BCLAF1: variants seen among roughly 807,000 people sequenced by gnomAD.
BCLAF1 encodes the protein bcl-2-associated transcription factor 1.
BCLAF1 carries 10 observed loss-of-function variants against 99.5 expected under a neutral mutation model. The ratio of observed to expected loss-of-function variants is 0.10; its 90% CI spans 0.06 to 0.17. The LOEUF (loss-of-function observed/expected upper bound fraction) is 0.17, where lower values mean the gene tolerates loss of function less well. BCLAF1 is among the 10% of genes least tolerant of loss of function. The pLI is 1.00. For missense variants in BCLAF1, 636 were observed against 1,105.8 expected (o/e 0.58, Z 6.02); for synonymous variants, 255 against 370.9 (o/e 0.69, Z 3.59).
chr6:136,261,618 CAG>C, intron 11 of BCLAF1, 141 bp from the exon 12 acceptor site: 1 of 852,674 alleles, frequency 1.2e-6, no homozygotes, highest in Non-Finnish European at 1.8e-6. Context: ...AAAACAAAAC[CAG>C]TAAAACTGAA....
rs948817895 is a variant in BCLAF1, at chr6:136,282,533, T to C, written c.-11+51A>G. ...CTGAATCATCAATTCAGTAGTGACATTTCCTCAAAAAAGTCAAAAGTGAAA... is the reference window on the plus strand; with the variant it reads ...CTGAATCATCAATTCAGTAGTGACACTTCCTCAAAAAAGTCAAAAGTGAAA... On this transcript the variant is annotated intron_variant, in intron 2 of 12. Coordinates refer to ENST00000531224, the MANE Select transcript of BCLAF1 (RefSeq NM_014739.3). The C allele has an allele frequency of 7.2e-5, 11 of 152,302 alleles. No homozygotes were observed. In the East Asian group the frequency reaches 1.5e-3, roughly 21 times the overall value. 9.4% of individuals were successfully genotyped at this position (152,302 alleles called of 1,614,324 possible).
chr6:136,277,595 T>C (rs548475648), intron 4 of BCLAF1, among the ~76,000 whole-genome samples: 32 of 152,286 alleles, frequency 2.1e-4, no homozygotes, highest in African/African-American at 7.7e-4. Flanking sequence ...GGCGCAATCA[T>C]AGCTCACCAC....
intron 3 of BCLAF1, among the ~76,000 whole-genome samples, chr6:136,279,308 C>T (rs2128485488): frequency 6.6e-6 from 1 of 152,060 alleles, no homozygotes; most frequent in South Asian, 2.1e-4. Context: ...TTTCTGTTTT[C>T]TATGCTAAGT....
At chr6:136,289,471 A>G (rs1320315384) in intron 1 of BCLAF1, among the ~76,000 whole-genome samples, 1 of 152,220 alleles carries the variant, frequency 6.6e-6, no homozygotes, top group African/African-American at 2.4e-5. Flanking sequence ...GTCTCCAGGC[A>G]GGTTCGCAAA....
At chr6:136,287,577 G>T (rs185364339) in intron 1 of BCLAF1, among the ~76,000 whole-genome samples, 2 of 152,130 alleles carry the variant, frequency 1.3e-5, no homozygotes, top group African/African-American at 2.4e-5. Flanking sequence ...AAATTACACA[G>T]CTGAATTCAG....
chr6:136,275,426 T>C, intron 6 of BCLAF1, 106 bp downstream of exon 6: 3 of 1,086,074 alleles, frequency 2.8e-6, no homozygotes, highest in South Asian at 2.5e-5. Flanking sequence ...ATATTGGATG[T>C]ATATTTGCTA....
chr6:136,287,577 G>A (rs185364339), intron 1 of BCLAF1, among the ~76,000 whole-genome samples: 15 of 152,248 alleles, frequency 9.9e-5, no homozygotes, highest in Non-Finnish European at 1.6e-4. Flanking sequence ...AAATTACACA[G>A]CTGAATTCAG....
chr6:136,283,355 T>C (rs1297642968), intron 1 of BCLAF1, among the ~76,000 whole-genome samples: 2 of 152,172 alleles, frequency 1.3e-5, no homozygotes, highest in African/African-American at 2.4e-5. Context: ...ACAGCCATCA[T>C]AGTAACTTTA....
intron 1 of BCLAF1, among the ~76,000 whole-genome samples, chr6:136,283,620 TCAG>T (rs1784673836): frequency 6.6e-6 from 1 of 152,152 alleles, no homozygotes; most frequent in Non-Finnish European, 1.5e-5. Context: ...TTAATATACA[TCAG>T]CACTCAAAGA....
At chr6:136,267,932 G>A (rs1027616671) in intron 10 of BCLAF1, among the ~76,000 whole-genome samples, 1 of 152,034 alleles carries the variant, frequency 6.6e-6, no homozygotes. Flanking sequence ...TACAGTTATT[G>A]ATCTCGAAGT....
chr6:136,281,582 A>G (rs551785733), intron 2 of BCLAF1, among the ~76,000 whole-genome samples: 1 of 152,352 alleles, frequency 6.6e-6, no homozygotes, highest in Non-Finnish European at 1.5e-5. Context: ...AATCAGACAC[A>G]CTATAAAAAG....
chr6:136,271,337 GA>G (rs542679621), intron 8 of BCLAF1, among the ~76,000 whole-genome samples: 17 of 151,730 alleles, frequency 1.1e-4, no homozygotes, highest in Non-Finnish European at 2.5e-4. Flanking sequence ...TTTATGGCCT[GA>G]TATAGATTAG....
At chr6:136,276,838 C>A (rs1346475177) in intron 4 of BCLAF1, among the ~76,000 whole-genome samples, 2 of 152,136 alleles carry the variant, frequency 1.3e-5, no homozygotes, top group Non-Finnish European at 1.5e-5. Context: ...AAACTAAGAA[C>A]CACTAATAGA....
chr6:136,268,405 A>T (rs1280260961), intron 9 of BCLAF1, 66 bp from the exon 10 acceptor site: 1 of 1,364,400 alleles, frequency 7.3e-7, no homozygotes, highest in South Asian at 1.3e-5. Context: ...TGAATCTTAC[A>T]ACAGAAGAGA....
rs1780499926 is a variant in BCLAF1 at position 136,256,682 on chromosome 6, A to AATAAATAAATAAATAC, written c.*4427_*4428insGTATTTATTTATTTAT. 6.5e-6 allele frequency: 1 copy of AATAAATAAATAAATAC among 153,044 alleles called. No individual in the cohort carries two copies. The highest frequency in any genetic ancestry group is 1.3e-5 in the Non-Finnish European group (1 of 76,790). 9.5% of individuals were successfully genotyped at this position (153,044 alleles called of 1,614,324 possible). On this transcript the variant is annotated 3_prime_UTR_variant, in exon 13 of 13. Coordinates refer to ENST00000531224, the MANE Select transcript of BCLAF1 (RefSeq NM_014739.3). ...AAGACTCCATCTCAATAAATAAATA[A>AATAAATAAATAAATAC]ATAAATAAATAAATAAATAAATAAA...
chr6:136,267,994 T>A (rs1781957531), intron 10 of BCLAF1, among the ~76,000 whole-genome samples, 168 bp downstream of exon 10: 1 of 151,938 alleles, frequency 6.6e-6, no homozygotes, highest in Non-Finnish European at 1.5e-5. Flanking sequence ...AAATGGCATT[T>A]CTAAATGAAG....
Position 136,275,626 on chromosome 6 carries a change from T to C in BCLAF1, c.1758A>G (p.Arg586=), listed in dbSNP as rs745440646. ...GCAACTTAATGTGGTCAAAGATGGATCGGAATTCTTGCTCCTTCTTGACAG... is the reference window on the plus strand; with the variant it reads ...GCAACTTAATGTGGTCAAAGATGGACCGGAATTCTTGCTCCTTCTTGACAG... ...VHSVKKEQEF[R]SIFDHIKLPQ... Residue 586 remains arginine (R), a synonymous_variant, in exon 6 of 13, where the codon CGA becomes CGG. Coordinates refer to ENST00000531224, the MANE Select transcript of BCLAF1 (RefSeq NM_014739.3). 18 of 1,597,802 alleles carry C rather than the reference T, an allele frequency of 1.1e-5. No homozygotes were observed. Among genetic ancestry groups the C allele is most frequent in the Non-Finnish European group, 1.4e-5 (17 of 1,173,692 alleles).
At chr6:136,272,305 C>T (rs1782650450) in intron 7 of BCLAF1, among the ~76,000 whole-genome samples, 1 of 151,772 alleles carries the variant, frequency 6.6e-6, no homozygotes, top group South Asian at 2.1e-4. Context: ...TGAAGTCTGG[C>T]CTTTAAAACA....
Position 136,260,909 on chromosome 6 carries a change from T to G in BCLAF1, c.*201A>C. ...GTTACAAATATGGTACGTAACAATT[T>G]TCTACTTTATTTCAGTACAATTTTC... On this transcript the variant is annotated 3_prime_UTR_variant, in exon 13 of 13. Coordinates refer to ENST00000531224, the MANE Select transcript of BCLAF1 (RefSeq NM_014739.3). 1 of 546,160 alleles carries G rather than the reference T, an allele frequency of 1.8e-6. No individual in the cohort carries two copies. Among genetic ancestry groups the G allele is most frequent in the South Asian group, 3.7e-5 (1 of 27,108 alleles). 33.8% of individuals were successfully genotyped at this position (546,160 alleles called of 1,614,324 possible). A position where few individuals can be genotyped will look rare whatever the true frequency, so the allele number is the denominator to read the frequency against.
Sources: allele counts gnomAD v4.1 joint callset (sites outside exome capture counted in the v4.1 genomes callset), GRCh38; gene constraint gnomAD v4.1.1; transcripts MANE v1.5; gene names NCBI Gene and HGNC (gene_info 2026-07-23, HGNC 2026-07-21).